RALGPS1: variants seen among roughly 807,000 people sequenced by gnomAD.
The protein encoded by RALGPS1 is ras-specific guanine nucleotide-releasing factor RalGPS1.
RALGPS1 carries 19 observed loss-of-function variants against 78.8 expected under a neutral mutation model. The observed-to-expected ratio is 0.24, with a 90% confidence interval of 0.17 to 0.35. The LOEUF (loss-of-function observed/expected upper bound fraction) is 0.35, where lower values mean the gene tolerates loss of function less well. Ranked by LOEUF, RALGPS1 falls within the 10% of genes least tolerant of loss-of-function variation. RALGPS1 has a pLI of 1.00. For synonymous variants in RALGPS1, 228 were observed against 256.3 expected, an observed-to-expected ratio of 0.89 and a Z score of 1.06; for missense variants, 454 against 688.3, an observed-to-expected ratio of 0.66 and a Z score of 3.81.
intron 8 of RALGPS1, among the ~76,000 whole-genome samples, chr9:127,078,626 C>T (rs187117233): frequency 9.1e-4 from 139 of 152,262 alleles, no homozygotes; most frequent in East Asian, 2.9e-3. Context: ...CTGCCCAGAG[C>T]GGGAGAACCT....
intron 4 of RALGPS1, among the ~76,000 whole-genome samples, chr9:126,983,764 A>T (rs769303463): frequency 6.6e-6 from 1 of 152,098 alleles, no homozygotes; most frequent in Non-Finnish European, 1.5e-5. Context: ...AATTGTAAAT[A>T]TTCTGCTTCT....
chr9:127,009,324 C>T (rs1402912442), intron 4 of RALGPS1, among the ~76,000 whole-genome samples: 1 of 152,158 alleles, frequency 6.6e-6, no homozygotes, highest in African/African-American at 2.4e-5. Flanking sequence ...CATGGATTGT[C>T]CCTGGGATCA....
chr9:126,927,268 G>A (rs757086881), intron 1 of RALGPS1, among the ~76,000 whole-genome samples: 1 of 152,174 alleles, frequency 6.6e-6, no homozygotes, highest in Non-Finnish European at 1.5e-5. Context: ...AGGCTGTGTG[G>A]TAGTGGATGA....
chr9:126,940,914 A>G (rs2036719687), intron 1 of RALGPS1, among the ~76,000 whole-genome samples: 2 of 152,350 alleles, frequency 1.3e-5, no homozygotes, highest in South Asian at 2.1e-4. Flanking sequence ...TGTGCTGCTC[A>G]TAAATGTTTT....
At chr9:127,014,300 C>A (rs1437151318) in intron 4 of RALGPS1, among the ~76,000 whole-genome samples, 1 of 152,172 alleles carries the variant, frequency 6.6e-6, no homozygotes, top group Non-Finnish European at 1.5e-5. Flanking sequence ...TTCCTTTGAG[C>A]CTTTTAGGAA....
chr9:127,032,778 C>G (rs1158836144), intron 4 of RALGPS1, among the ~76,000 whole-genome samples: 1 of 151,978 alleles, frequency 6.6e-6, no homozygotes, highest in African/African-American at 2.4e-5. Context: ...TCGCTTAAGG[C>G]CAGGAATTTG....
chr9:126,918,613 G>A (rs890419805), intron 1 of RALGPS1, among the ~76,000 whole-genome samples: 55 of 150,316 alleles, frequency 3.7e-4, no homozygotes, highest in African/African-American at 1.3e-3. Flanking sequence ...GAGCCACCAC[G>A]TCTAGCAAGT....
chr9:127,153,753 G>A (rs769892971), intron 8 of RALGPS1, among the ~76,000 whole-genome samples: 11 of 152,218 alleles, frequency 7.2e-5, no homozygotes, highest in Non-Finnish European at 1.6e-4. Flanking sequence ...ATCCTCTGAC[G>A]ATGTAGCCAG....
At chr9:126,991,492 G>A (rs1432468167) in intron 4 of RALGPS1, among the ~76,000 whole-genome samples, 1 of 152,146 alleles carries the variant, frequency 6.6e-6, no homozygotes, top group East Asian at 1.9e-4. Context: ...GTGAACAGCT[G>A]TTTTCATCCA....
chr9:127,191,415 A>G (rs2061024426), intron 11 of RALGPS1, among the ~76,000 whole-genome samples: 3 of 152,054 alleles, frequency 2.0e-5, no homozygotes, highest in Admixed American at 2.0e-4. Context: ...CTTTTTCCAC[A>G]TGGAACCCAG....
At chr9:126,967,390 C>T (rs1259692539) in intron 3 of RALGPS1, among the ~76,000 whole-genome samples, 1 of 152,166 alleles carries the variant, frequency 6.6e-6, no homozygotes, top group African/African-American at 2.4e-5. Flanking sequence ...CTTCATGGCT[C>T]TTCCTTAGTT....
At chr9:127,066,812 A>G in intron 7 of RALGPS1, among the ~76,000 whole-genome samples, 1 of 152,110 alleles carries the variant, frequency 6.6e-6, no homozygotes, top group Non-Finnish European at 1.5e-5. Context: ...ATTCATTTAT[A>G]ATAATAATAA....
intron 8 of RALGPS1, among the ~76,000 whole-genome samples, chr9:127,105,429 C>T (rs1440954346): frequency 6.6e-6 from 1 of 152,144 alleles, no homozygotes; most frequent in African/African-American, 2.4e-5. Context: ...GCCCCTGGGC[C>T]CTTGCACAGA....
chr9:127,005,336 A>C (rs1345070862), intron 4 of RALGPS1, among the ~76,000 whole-genome samples: 1 of 152,196 alleles, frequency 6.6e-6, no homozygotes. Flanking sequence ...TGCCAAGCTA[A>C]ATTTTGACTG....
chr9:127,200,095 TATGCATGC>T (rs1564781482), intron 14 of RALGPS1, among the ~76,000 whole-genome samples: 1 of 152,138 alleles, frequency 6.6e-6, no homozygotes, highest in African/African-American at 2.4e-5. Context: ...CACACGTACA[TATGCATGC>T]ATGCATGTAC....
chr9:127,141,616 CAAAAAAAAAAAAAAAAA>C (rs61291398), intron 8 of RALGPS1, among the ~76,000 whole-genome samples: 2 of 68,660 alleles, frequency 2.9e-5, no homozygotes, highest in Non-Finnish European at 5.0e-5. Flanking sequence ...TTTTTAATGG[CAAAAAAAAAAAAAAAAA>C]AAAAAAAGAA....
chr9:126,974,789 C>G (rs1172140756), intron 3 of RALGPS1, among the ~76,000 whole-genome samples: 3 of 152,080 alleles, frequency 2.0e-5, no homozygotes, highest in Non-Finnish European at 4.4e-5. Flanking sequence ...TGGGAGGCTC[C>G]TTGTCTCATG....
At chr9:126,916,678 A>C (rs2034200122) in intron 1 of RALGPS1, among the ~76,000 whole-genome samples, 3 of 152,168 alleles carry the variant, frequency 2.0e-5, no homozygotes, top group African/African-American at 7.2e-5. Flanking sequence ...GCTACTCAGG[A>C]GGCTGAGGCC....
At chr9:126,978,678 A>T (rs1342462954) in intron 4 of RALGPS1, among the ~76,000 whole-genome samples, 1 of 151,962 alleles carries the variant, frequency 6.6e-6, no homozygotes, top group African/African-American at 2.4e-5. Flanking sequence ...CACTTTACAG[A>T]ATTCATGGGG....
Sources: allele counts gnomAD v4.1 joint callset (sites outside exome capture counted in the v4.1 genomes callset), GRCh38; gene constraint gnomAD v4.1.1; transcripts MANE v1.5; gene names NCBI Gene and HGNC (gene_info 2026-07-23, HGNC 2026-07-21).